Variants in GFRA2 observed in about 807,000 individuals in gnomAD.
GFRA2 encodes the protein GDNF family receptor alpha-2.
In GFRA2, 17 loss-of-function variants were observed where a neutral mutation model predicts 48.3. The observed-to-expected ratio is 0.35, with a 90% CI of 0.24 to 0.53. GFRA2 has a LOEUF of 0.53. Among genes scored for constraint, GFRA2 ranks in the 20% least tolerant of loss-of-function variants. The pLI, the probability that GFRA2 is intolerant of heterozygous loss-of-function variation, is 0.93. For missense variants in GFRA2, 660 were observed against 637.3 expected, an observed-to-expected ratio of 1.04 and a Z score of -0.38; for synonymous variants, 305 against 257.2, an observed-to-expected ratio of 1.19 and a Z score of -1.78.
intron 3 of GFRA2, among the ~76,000 whole-genome samples, chr8:21,768,687 G>T (rs1330851962): frequency 6.6e-6 from 1 of 152,098 alleles, no homozygotes; most frequent in South Asian, 2.1e-4. Flanking sequence ...GGCCACAGGG[G>T]TGTCTTCCTG....
chr8:21,779,989 T>C (rs1806895109), intron 2 of GFRA2, among the ~76,000 whole-genome samples: 1 of 151,440 alleles, frequency 6.6e-6, no homozygotes, highest in Non-Finnish European at 1.5e-5. Context: ...CCTTCTGTCT[T>C]CTTCATGGCA....
At chr8:21,807,622 T>C (rs2117121168) in intron 1 of GFRA2, among the ~76,000 whole-genome samples, 1 of 152,332 alleles carries the variant, frequency 6.6e-6, no homozygotes, top group South Asian at 2.1e-4. Context: ...ATGGCCACCT[T>C]CTTGCTGTGT....
chr8:21,710,276 G>A (rs748845851), intron 4 of GFRA2, among the ~76,000 whole-genome samples: 1 of 152,212 alleles, frequency 6.6e-6, no homozygotes, highest in Non-Finnish European at 1.5e-5. Context: ...GAGGGCGCTT[G>A]GAATGGCAGG....
At chr8:21,795,363 T>C (rs1204489501) in intron 2 of GFRA2, among the ~76,000 whole-genome samples, 3 of 151,034 alleles carry the variant, frequency 2.0e-5, no homozygotes, top group African/African-American at 7.4e-5. Flanking sequence ...CTTTTTTTTT[T>C]CTTTTTTCTT....
At chr8:21,769,532 G>A (rs1038694735) in intron 3 of GFRA2, among the ~76,000 whole-genome samples, 2 of 152,114 alleles carry the variant, frequency 1.3e-5, no homozygotes, top group African/African-American at 4.8e-5. Context: ...AGGTTCAGGG[G>A]GTCTAGTGAC....
At chr8:21,781,501 A>G (rs1563264193) in intron 2 of GFRA2, among the ~76,000 whole-genome samples, 1 of 152,040 alleles carries the variant, frequency 6.6e-6, no homozygotes, top group Non-Finnish European at 1.5e-5. Context: ...CTCACCCTTC[A>G]GCCCCAGCTT....
chr8:21,739,981 G>A (rs992405424), intron 4 of GFRA2, among the ~76,000 whole-genome samples: 3 of 152,230 alleles, frequency 2.0e-5, no homozygotes, highest in Non-Finnish European at 4.4e-5. Flanking sequence ...GTTGGTGGCA[G>A]CCATATCGTG....
In GFRA2 at chr8:21,782,739, G is replaced by T; in HGVS notation, c.201C>A (p.Arg67=). Residue 67 remains arginine (R), a synonymous_variant, in exon 2 of 9, where the codon CGC becomes CGA. Coordinates refer to ENST00000524240, the MANE Select transcript of GFRA2 (RefSeq NM_001495.5). ...YRTLRQCLAG[R]DRNTMLANKE... is the part of the protein sequence containing the mutation. The stretch of plus-strand genomic sequence containing the variant: ...TGTTGGCCAGCATGGTGTTGCGGTC[G>T]CGGCCTGCCAGGCACTGCCGCAGAG... The T allele has an allele frequency of 6.3e-7, 1 of 1,597,442 alleles. No individual in the cohort carries two copies.
intron 2 of GFRA2, among the ~76,000 whole-genome samples, chr8:21,776,664 T>C (rs1304828023): frequency 2.0e-5 from 3 of 151,658 alleles, no homozygotes; most frequent in Non-Finnish European, 4.4e-5. Context: ...AGAGATGGGG[T>C]TTCACCATGT....
At chr8:21,757,020 A>G (rs1805603057) in intron 3 of GFRA2, among the ~76,000 whole-genome samples, 1 of 152,162 alleles carries the variant, frequency 6.6e-6, no homozygotes, top group Admixed American at 6.5e-5. Flanking sequence ...GGCCTTCTCC[A>G]AAACCGCAGT....
intron 3 of GFRA2, among the ~76,000 whole-genome samples, chr8:21,772,732 G>A (rs1806495131): frequency 6.6e-6 from 1 of 152,204 alleles, no homozygotes; most frequent in Admixed American, 6.5e-5. Flanking sequence ...CTGATTCGGT[G>A]AGCTGCAGAC....
intron 2 of GFRA2, among the ~76,000 whole-genome samples, chr8:21,796,423 C>T (rs1807678767): frequency 2.0e-5 from 3 of 152,222 alleles, no homozygotes; most frequent in Non-Finnish European, 4.4e-5. Context: ...AGCTCTCAGT[C>T]CCAACAGCTC....
chr8:21,735,009 C>T (rs4739287), intron 4 of GFRA2, among the ~76,000 whole-genome samples: 59,131 of 151,940 alleles, frequency 0.39, 13,108 homozygotes, highest in East Asian at 0.57. Context: ...CTCCCCGCTT[C>T]AAGTTGTCCC....
upstream of GFRA2, chr8:21,789,092 CAAGGCG>C (rs1220447592): frequency 0.25 from 40,501 of 162,044 alleles, 5,060 homozygotes; most frequent in East Asian, 0.35. Context: ...GCGGCGGCGA[CAAGGCG>C]AAGGCGGTGG....
intron 2 of GFRA2, among the ~76,000 whole-genome samples, chr8:21,803,782 A>G (rs1807811364): frequency 6.6e-6 from 1 of 152,132 alleles, no homozygotes; most frequent in African/African-American, 2.4e-5. Flanking sequence ...ACAGGCACAA[A>G]CCACCACACC....
intron 2 of GFRA2, among the ~76,000 whole-genome samples, chr8:21,778,115 G>C (rs1340297201): frequency 1.3e-5 from 2 of 152,156 alleles, no homozygotes; most frequent in Non-Finnish European, 2.9e-5. Context: ...GCTGAGAATC[G>C]GAAGGAAAAT....
At chr8:21,738,963 G>A (rs189049002) in intron 4 of GFRA2, among the ~76,000 whole-genome samples, 38 of 152,318 alleles carry the variant, frequency 2.5e-4, no homozygotes, top group East Asian at 1.7e-3. Flanking sequence ...CAGGAGCTCC[G>A]TGCTGTGAAG....
chr8:21,744,229 C>T (rs563858300), intron 4 of GFRA2, among the ~76,000 whole-genome samples: 4 of 152,148 alleles, frequency 2.6e-5, no homozygotes, highest in Non-Finnish European at 5.9e-5. Flanking sequence ...CTTCCCACCC[C>T]CTGAGGACAG....
chr8:21,695,278 G>T (rs1297154563), intron 7 of GFRA2, among the ~76,000 whole-genome samples: 1 of 152,184 alleles, frequency 6.6e-6, no homozygotes, highest in African/African-American at 2.4e-5. Context: ...TCACTGTAAT[G>T]GAGATCCATG....
Sources: allele counts gnomAD v4.1 joint callset (sites outside exome capture counted in the v4.1 genomes callset), GRCh38; gene constraint gnomAD v4.1.1; transcripts MANE v1.5; gene names NCBI Gene and HGNC (gene_info 2026-07-23, HGNC 2026-07-21).